RARB: variants seen among roughly 807,000 people sequenced by gnomAD.
The protein encoded by RARB is retinoic acid receptor beta.
Under a neutral mutation model 51.9 loss-of-function variants are expected in RARB, and 17 were observed. That is an observed-to-expected ratio of 0.33 (90% CI 0.22 to 0.49). The LOEUF is 0.49. Ranked by LOEUF, RARB falls within the 20% of genes least tolerant of loss-of-function variation. RARB has a pLI of 0.99. For missense variants in RARB, 369 were observed against 550.8 expected, an observed-to-expected ratio of 0.67 and a Z score of 3.30; for synonymous variants, 215 against 195.4, an observed-to-expected ratio of 1.10 and a Z score of -0.84.
intron 4 of RARB, among the ~76,000 whole-genome samples, chr3:25,163,848 G>A (rs957257040): frequency 6.6e-6 from 1 of 152,116 alleles, no homozygotes; most frequent in Non-Finnish European, 1.5e-5. Context: ...GACCTTAGGA[G>A]GTAAAGGTAG....
rs139297170 is a variant in RARB, at chr3:24,971,259, G to T, written c.-379-88866G>T. On this transcript the variant is annotated intron_variant, in intron 2 of 11. Transcript: ENST00000383772. ...TTACCATTATTATTCTTATTCAAAA[G>T]ATGAGGGAGCTGAGGCTAGGAGGTT... 1.1e-4 allele frequency among the ~76,000 whole-genome samples: 17 copies of T among 152,062 alleles called. No homozygotes were observed. The East Asian group carries it at 3.3e-3, about 29-fold the overall frequency.
At chr3:25,388,932 G>T (rs1402641415) in intron 5 of RARB, among the ~76,000 whole-genome samples, 1 of 152,050 alleles carries the variant, frequency 6.6e-6, no homozygotes, top group Non-Finnish European at 1.5e-5. Flanking sequence ...ATGATTTAGT[G>T]GTAGAAAATG....
chr3:25,284,877 G>A (rs190011330), intron 5 of RARB, among the ~76,000 whole-genome samples: 1 of 152,288 alleles, frequency 6.6e-6, no homozygotes, highest in Non-Finnish European at 1.5e-5. Context: ...AGGGCTCGCT[G>A]CAGACTTGAG....
intron 2 of RARB, among the ~76,000 whole-genome samples, chr3:24,922,409 T>A (rs1695234598): frequency 2.0e-5 from 3 of 152,182 alleles, no homozygotes; most frequent in Admixed American, 1.3e-4. Context: ...GCACTTAGAT[T>A]TTTCCAGGAA....
intron 3 of RARB, among the ~76,000 whole-genome samples, chr3:25,569,501 G>A (rs1700626721): frequency 6.6e-6 from 1 of 152,220 alleles, no homozygotes; most frequent in Non-Finnish European, 1.5e-5. Flanking sequence ...AAGACTCTGA[G>A]CCTCCTGGGT....
At chr3:25,146,507 G>GTTTTTTTTT (rs1209595229) in intron 4 of RARB, among the ~76,000 whole-genome samples, 2 of 133,366 alleles carry the variant, frequency 1.5e-5, no homozygotes, top group African/African-American at 2.8e-5. Flanking sequence ...TTGTTTGTTT[G>GTTTTTTTTT]TTTGTTTTTT....
chr3:25,577,926 C>T (rs571419366), intron 4 of RARB, among the ~76,000 whole-genome samples: 13 of 152,348 alleles, frequency 8.5e-5, no homozygotes, highest in Admixed American at 2.0e-4. Flanking sequence ...TAGCCCCTGC[C>T]GAAGAGGGGA....
chr3:25,581,256 AC>A (rs1179470061), intron 5 of RARB, among the ~76,000 whole-genome samples: 1 of 152,188 alleles, frequency 6.6e-6, no homozygotes, highest in African/African-American at 2.4e-5. Context: ...GCTATGAGAG[AC>A]CTAATAAAAA....
intron 6 of RARB, among the ~76,000 whole-genome samples, chr3:25,593,932 A>G (rs1326334764): frequency 6.6e-6 from 1 of 152,034 alleles, no homozygotes; most frequent in African/African-American, 2.4e-5. Flanking sequence ...AAAAGCTATT[A>G]CTCCAATTGC....
chr3:25,026,256 C>T (rs1325436386), intron 2 of RARB, among the ~76,000 whole-genome samples: 1 of 152,154 alleles, frequency 6.6e-6, no homozygotes, highest in Admixed American at 6.5e-5. Flanking sequence ...TATTAGTCTG[C>T]TAGGGTTACT....
intron 4 of RARB, among the ~76,000 whole-genome samples, chr3:25,147,468 C>T (rs1162075348): frequency 6.6e-6 from 1 of 152,102 alleles, no homozygotes; most frequent in Non-Finnish European, 1.5e-5. Flanking sequence ...ATCTAGAAAG[C>T]ATATAACTAT....
chr3:25,412,353 T>C (rs188868437), intron 5 of RARB, among the ~76,000 whole-genome samples: 138 of 152,334 alleles, frequency 9.1e-4, no homozygotes, highest in African/African-American at 3.2e-3. Flanking sequence ...GGCCTAGTTA[T>C]ATAGATATTG....
At chr3:25,115,089 T>C (rs1699664302) in intron 3 of RARB, among the ~76,000 whole-genome samples, 1 of 152,164 alleles carries the variant, frequency 6.6e-6, no homozygotes, top group African/African-American at 2.4e-5. Context: ...CTGCTAATAA[T>C]TGAGCTGTCA....
chr3:25,154,817 G>A (rs1423793913), intron 4 of RARB, among the ~76,000 whole-genome samples: 1 of 152,218 alleles, frequency 6.6e-6, no homozygotes, highest in East Asian at 1.9e-4. Context: ...TGTGCATCCT[G>A]TGTGCTTTCA....
chr3:25,469,516 A>G (rs1014217397), intron 2 of RARB, among the ~76,000 whole-genome samples: 7 of 152,228 alleles, frequency 4.6e-5, no homozygotes, highest in Admixed American at 2.0e-4. Flanking sequence ...AGCTGAATGA[A>G]TTATGAAACC....
chr3:25,256,972 A>G (rs1041732530), intron 5 of RARB, among the ~76,000 whole-genome samples: 6 of 152,098 alleles, frequency 3.9e-5, no homozygotes, highest in Non-Finnish European at 5.9e-5. Flanking sequence ...TGCTTGCCCA[A>G]AATATCATAC....
intron 2 of RARB, among the ~76,000 whole-genome samples, chr3:25,493,136 C>T (rs1042013422): frequency 7.2e-5 from 11 of 152,122 alleles, no homozygotes; most frequent in African/African-American, 2.7e-4. Context: ...ATGTTCTTTT[C>T]ATTACATTTA....
intron 5 of RARB, among the ~76,000 whole-genome samples, chr3:25,318,240 G>T (rs183248857): frequency 6.6e-6 from 1 of 152,120 alleles, no homozygotes; most frequent in African/African-American, 2.4e-5. Flanking sequence ...CAGCCATCAC[G>T]ATAGCTAGTG....
intron 5 of RARB, among the ~76,000 whole-genome samples, chr3:25,199,441 A>C (rs1479771948): frequency 6.6e-6 from 1 of 152,044 alleles, no homozygotes; most frequent in Admixed American, 6.6e-5. Flanking sequence ...AAAATGACTA[A>C]GAGTATAATT....
Sources: allele counts gnomAD v4.1 joint callset (sites outside exome capture counted in the v4.1 genomes callset), GRCh38; gene constraint gnomAD v4.1.1; transcripts MANE v1.5; gene names NCBI Gene and HGNC (gene_info 2026-07-23, HGNC 2026-07-21).